Variants in RELT observed in about 807,000 individuals in gnomAD.
The protein encoded by RELT is RELT TNF receptor.
RELT carries 37 observed loss-of-function variants against 51.1 expected under a neutral mutation model. The ratio of observed to expected loss-of-function variants is 0.72; its 90% confidence interval spans 0.56 to 0.95. RELT has a LOEUF of 0.95. Ranked by LOEUF, RELT falls within the 40% of genes least tolerant of loss-of-function variation. RELT has a pLI of 0.00. For synonymous variants in RELT, 241 were observed against 235.7 expected (o/e 1.02, Z -0.21); for missense variants, 535 against 572.6 (o/e 0.93, Z 0.67).
At position 73,394,173 on chromosome 11, in the gene RELT, G is replaced by A. The variant is rs372562358; in HGVS notation, c.707-63G>A. ...GGGTAGGTGGGGGGTTCTCTGCTGG[G>A]GCAGGGGGTGGGAGGTGTGTCCCAT... On this transcript the variant is annotated intron_variant, in intron 7 of 10. Coordinates refer to ENST00000064780, the MANE Select transcript of RELT (RefSeq NM_152222.2). This position sits in a 1 kb window ranked among gnomAD's most constrained non-coding sequence, Gnocchi z 4.9. 6.9e-7 allele frequency: 1 copy of A among 1,453,816 alleles called. No homozygotes were observed. 90.1% of individuals were successfully genotyped at this position (1,453,816 alleles called of 1,614,324 possible).
chr11:73,378,012 C>T (rs914928998), intron 1 of RELT, among the ~76,000 whole-genome samples: 4 of 152,142 alleles, frequency 2.6e-5, no homozygotes, highest in African/African-American at 9.7e-5. Context: ...CAATATGGAT[C>T]CCCAAATCCA....
intron 1 of RELT, chr11:73,384,757 C>T (rs893363282): frequency 5.9e-5 from 9 of 152,306 alleles, no homozygotes; most frequent in African/African-American, 2.2e-4. Flanking sequence ...CCTTCTCCCC[C>T]AAATCAGCCC....
Position 73,390,871 on chromosome 11 carries a change from C to T in RELT, c.237C>T (p.Ala79=). 1 of 1,613,276 alleles carries T rather than the reference C, an allele frequency of 6.2e-7. No individual in the cohort carries two copies. ...ARCSLWRRLE[A]QVGMATRDTL... is the part of the protein sequence containing the mutation. The stretch of plus-strand genomic sequence containing the variant: ...GCAGCCTTTGGAGGAGGCTGGAGGC[C>T]CAGGTGGGCATGGCAACTCGAGATA... Residue 79 remains alanine (A), a synonymous_variant, in exon 4 of 11, where the codon GCC becomes GCT. Coordinates refer to ENST00000064780, the MANE Select transcript of RELT (RefSeq NM_152222.2).
At position 73,394,393 on chromosome 11, in the gene RELT, G is replaced by GTCTC. The variant is rs1866271549; in HGVS notation, c.788+77_788+80dup. 1 of 1,609,900 alleles carries GTCTC rather than the reference G, an allele frequency of 6.2e-7. No individual in the cohort carries two copies. The highest frequency in any genetic ancestry group is 8.5e-7 in the Non-Finnish European group (1 of 1,177,138). ...TGCCTCCTGGGGATCTCCCACTTGG[G>GTCTC]TCTCCCTCAAGTCACCCTGTTCCCT... On this transcript the variant is annotated intron_variant, in intron 8 of 10. Coordinates refer to ENST00000064780, the MANE Select transcript of RELT (RefSeq NM_152222.2). This position sits in a 1 kb window ranked among gnomAD's most constrained non-coding sequence, Gnocchi z 4.9.
intron 1 of RELT, among the ~76,000 whole-genome samples, chr11:73,386,069 A>G (rs777470569): frequency 3.9e-5 from 6 of 152,256 alleles, no homozygotes; most frequent in Non-Finnish European, 5.9e-5. Context: ...CGCGACAGCC[A>G]TGCCAGCAAG....
At chr11:73,377,043 A>C (rs1865979102) in intron 1 of RELT, among the ~76,000 whole-genome samples, 1 of 152,218 alleles carries the variant, frequency 6.6e-6, no homozygotes, top group Non-Finnish European at 1.5e-5. Flanking sequence ...AGCGGGCGAC[A>C]CAGAGGGGCT....
chr11:73,380,446 C>A, intron 1 of RELT, among the ~76,000 whole-genome samples: 1 of 152,186 alleles, frequency 6.6e-6, no homozygotes, highest in East Asian at 1.9e-4. Flanking sequence ...TGTAGTGTGC[C>A]AGGCTCTGGG....
At chr11:73,393,464 G>A in intron 6 of RELT, 1 of 1,209,628 alleles carries the variant, frequency 8.3e-7, no homozygotes, top group South Asian at 1.5e-5. Flanking sequence ...GTTTGCTGTA[G>A]ATTTGGGGAG....
At chr11:73,392,117 C>T (rs1866224452) in intron 5 of RELT, 94 bp from the exon 6 acceptor site, 1 of 1,442,018 alleles carries the variant, frequency 6.9e-7, no homozygotes, top group Non-Finnish European at 9.4e-7. Flanking sequence ...CATTGGCTCT[C>T]CTGCAGCCCC....
intron 1 of RELT, among the ~76,000 whole-genome samples, chr11:73,382,775 T>TA (rs1384428383): frequency 6.6e-6 from 1 of 152,134 alleles, no homozygotes; most frequent in Non-Finnish European, 1.5e-5. Flanking sequence ...GGACAGGCAG[T>TA]AGTGCTCAGT....
intron 1 of RELT, 188 bp downstream of exon 1, chr11:73,376,687 T>G (rs1865972052): frequency 6.6e-6 from 1 of 151,196 alleles, no homozygotes; most frequent in African/African-American, 2.4e-5. Flanking sequence ...TCCCGGCGCC[T>G]TCCGCGCACC....
chr11:73,392,616 G>C, intron 6 of RELT, 148 bp downstream of exon 6: 1 of 1,405,596 alleles, frequency 7.1e-7, no homozygotes, highest in African/African-American at 1.4e-5. Context: ...TGACAACATG[G>C]GAGGAAAGGT....
chr11:73,394,961 T>A lies in RELT; in HGVS notation c.1047-126T>A. The A allele has an allele frequency of 2.1e-6, 2 of 971,120 alleles. No homozygotes were observed. The highest frequency in any genetic ancestry group is 3.1e-6 in the Non-Finnish European group (2 of 646,556). 60.2% of individuals were successfully genotyped at this position (971,120 alleles called of 1,614,324 possible). A position where few individuals can be genotyped will look rare whatever the true frequency, so the allele number is the denominator to read the frequency against. Reference sequence around the variant, plus strand: ...CCCTAGGGCAGCATCTTGGCCCCCATGGCACCCGGGCCTCTCAGGCTAAGG... The same window carrying A: ...CCCTAGGGCAGCATCTTGGCCCCCAAGGCACCCGGGCCTCTCAGGCTAAGG... On this transcript the variant is annotated intron_variant, in intron 9 of 10. Coordinates refer to ENST00000064780, the MANE Select transcript of RELT (RefSeq NM_152222.2). The surrounding 1 kb of genome is among the most constrained non-coding windows in gnomAD (Gnocchi z 4.9).
chr11:73,393,612 C>T (rs758286433), intron 6 of RELT: 250 of 1,498,706 alleles, frequency 1.7e-4, no homozygotes, highest in Non-Finnish European at 2.2e-4. Flanking sequence ...CTCTATGCAC[C>T]CGGGCTGTTG....
At chr11:73,377,685 C>G (rs1026142084) in intron 1 of RELT, among the ~76,000 whole-genome samples, 5 of 151,216 alleles carry the variant, frequency 3.3e-5, no homozygotes, top group African/African-American at 9.7e-5. Context: ...TCTCAGACCC[C>G]CCCGCCCCCC....
In RELT at chr11:73,388,051, G is replaced by A. The variant is rs1008262741; in HGVS notation, c.-25-1061G>A. ...TCTGATGTGAATCCTTTGTCCTGCTGTGTCCGCCTCGTCCACTGGCCGGAG... is the reference window on the plus strand; with the variant it reads ...TCTGATGTGAATCCTTTGTCCTGCTATGTCCGCCTCGTCCACTGGCCGGAG... On this transcript the variant is annotated intron_variant, in intron 1 of 10. Coordinates refer to ENST00000064780, the MANE Select transcript of RELT (RefSeq NM_152222.2). The surrounding 1 kb of genome is among the most constrained non-coding windows in gnomAD (Gnocchi z 4.1). Among the ~76,000 whole-genome samples, 2 of 152,216 alleles carry A rather than the reference G, an allele frequency of 1.3e-5. No individual in the cohort carries two copies. The highest frequency in any genetic ancestry group is 2.9e-5 in the Non-Finnish European group (2 of 68,040).
In RELT at chr11:73,392,224, G is replaced by A; in HGVS notation, c.381G>A (p.Arg127=). ...GTHGCDEWGR[R]ARRGVEVAAG... is the part of the protein sequence containing the mutation. ...TGTGATGCTCAGAGTGGGGGCGGCG[G>A]GCCCGACGTGGCGTGGAGGTGGCAG... The change falls in exon 6 of 11, where the codon CGG becomes CGA. Residue 127 remains arginine, a synonymous_variant. Coordinates refer to ENST00000064780, the MANE Select transcript of RELT (RefSeq NM_152222.2). 4.3e-6 allele frequency: 7 copies of A among 1,611,168 alleles called. No homozygotes were observed. Among genetic ancestry groups the A allele is most frequent in the Non-Finnish European group, 5.9e-6 (7 of 1,178,768 alleles).
intron 1 of RELT, among the ~76,000 whole-genome samples, chr11:73,380,026 G>A (rs1298349671): frequency 6.6e-6 from 1 of 152,178 alleles, no homozygotes; most frequent in African/African-American, 2.4e-5. Flanking sequence ...CACCCAGGAA[G>A]CCCTCCTGGC....
intron 2 of RELT, among the ~76,000 whole-genome samples, chr11:73,390,129 A>G (rs1353987219): frequency 6.6e-6 from 1 of 152,186 alleles, no homozygotes; most frequent in East Asian, 1.9e-4. Flanking sequence ...ACTTGGCTCC[A>G]GGGATTATAA....
Sources: allele counts gnomAD v4.1 joint callset (sites outside exome capture counted in the v4.1 genomes callset), GRCh38; gene constraint gnomAD v4.1.1; non-coding constraint Gnocchi (gnomAD v3.1); transcripts MANE v1.5; gene names NCBI Gene and HGNC (gene_info 2026-07-23, HGNC 2026-07-21).